The following CACNA1H variants were observed in gnomAD, a reference collection of about 807,000 sequenced individuals.
CACNA1H encodes calcium voltage-gated channel subunit alpha1 H.
CACNA1H carries 149 observed loss-of-function variants against 192.5 expected under a neutral mutation model. That is an observed-to-expected ratio of 0.77 (90% CI 0.68 to 0.89). The LOEUF (loss-of-function observed/expected upper bound fraction) is 0.89. Ranked by LOEUF, CACNA1H falls within the 40% of genes least tolerant of loss-of-function variation. The pLI, the probability that CACNA1H is intolerant of heterozygous loss-of-function variation, is 0.00. For synonymous variants in CACNA1H, 2,202 were observed against 1,475.2 expected, an observed-to-expected ratio of 1.49 and a Z score of -11.29; for missense variants, 4,257 against 3,423.5, an observed-to-expected ratio of 1.24 and a Z score of -6.08.
rs778684497 is a variant in CACNA1H at position 1,209,317 on chromosome 16, C to T, written c.3649C>T (p.Arg1217Cys). Residue 1217 changes from arginine (R) to cysteine (C), a missense_variant, in exon 17 of 35, where the codon CGC (arginine) becomes TGC (cysteine). Transcript: ENST00000348261. ...AALPPTKCRDRDGQVVALPSD... is the reference protein window; with the variant it reads ...AALPPTKCRDCDGQVVALPSD... ...CCTCCCGCCTACCAAGTGCCGCGAT[C>T]GCGACGGGCAGGTGGTGGCCCTGCC... 2.5e-5 allele frequency: 40 copies of T among 1,597,550 alleles called. No individual in the cohort carries two copies. The African/African-American group carries it at 4.1e-4, about 17-fold the overall frequency.
chr16:1,207,946 G>C, intron 15 of CACNA1H, 67 bp from the exon 16 acceptor site: 1 of 1,541,184 alleles, frequency 6.5e-7, no homozygotes, highest in Non-Finnish European at 8.8e-7. Context: ...GCAATCCCTA[G>C]GTTGGGGGAT....
chr16:1,206,351 G>C lies in CACNA1H; in HGVS notation c.2789+62G>C, dbSNP rs906688085. The C allele has an allele frequency of 6.5e-5, 96 of 1,481,822 alleles. 2 individuals are homozygous for C. In the South Asian group the frequency reaches 1.2e-3, roughly 18 times the overall value. 91.8% of individuals were successfully genotyped at this position (1,481,822 alleles called of 1,614,324 possible). ...CACCCCAGGGCAGCTGGGAGGCAAAGGCCCAGGGCACCCCCCGAAGGAGAA... is the reference window on the plus strand; with the variant it reads ...CACCCCAGGGCAGCTGGGAGGCAAACGCCCAGGGCACCCCCCGAAGGAGAA... On this transcript the variant is annotated intron_variant, in intron 12 of 34. Transcript: ENST00000348261.
chr16:1,199,817 C>T (rs1016982358), intron 6 of CACNA1H, among the ~76,000 whole-genome samples: 2 of 152,098 alleles, frequency 1.3e-5, no homozygotes, highest in East Asian at 3.9e-4. Flanking sequence ...CCTCCTTTCC[C>T]TCACCCCAGG....
intron 2 of CACNA1H, among the ~76,000 whole-genome samples, chr16:1,176,033 C>A (rs1232972158): frequency 3.3e-5 from 5 of 152,232 alleles, no homozygotes; most frequent in Non-Finnish European, 7.3e-5. Flanking sequence ...CGTGGAGGCG[C>A]CTCCCACTCC....
chr16:1,202,728 C>T (rs778909151), intron 9 of CACNA1H, among the ~76,000 whole-genome samples: 13 of 152,058 alleles, frequency 8.5e-5, no homozygotes, highest in Non-Finnish European at 1.6e-4. Context: ...CTTGTCAGAC[C>T]CTCCTGGGGC....
chr16:1,201,758 G>A lies in CACNA1H; in HGVS notation c.1308G>A (p.Gln436=). ...GGGAGAGTCAGCTGATGCGGGAGCA[G>A]CGGGCACGCCACCTGTCCAACGACA... is the stretch of plus-strand genomic sequence containing the variant. ...KQRESQLMRE[Q]RARHLSNDST... is the part of the protein sequence containing the mutation. The change falls in exon 9 of 35, where the codon CAG becomes CAA. Residue 436 remains glutamine, a synonymous_variant. Coordinates refer to ENST00000348261, the MANE Select transcript of CACNA1H (RefSeq NM_021098.3). 6.2e-7 allele frequency: 1 copy of A among 1,608,434 alleles called. No individual in the cohort carries two copies. Among genetic ancestry groups the A allele is most frequent in the Non-Finnish European group, 8.5e-7 (1 of 1,178,322 alleles).
At chr16:1,168,920 C>T (rs1314448602) in intron 2 of CACNA1H, among the ~76,000 whole-genome samples, 2 of 152,088 alleles carry the variant, frequency 1.3e-5, no homozygotes, top group African/African-American at 4.8e-5. Context: ...GGCCTGTGAG[C>T]CTCTAGGAGG....
At chr16:1,205,510 C>T (rs1225347033) in intron 11 of CACNA1H, among the ~76,000 whole-genome samples, 4 of 152,214 alleles carry the variant, frequency 2.6e-5, no homozygotes, top group East Asian at 1.9e-4. Context: ...AGGTCAGCTG[C>T]GTCTCAGATG....
intron 26 of CACNA1H, among the ~76,000 whole-genome samples, chr16:1,213,410 A>G (rs996963066): frequency 6.6e-6 from 1 of 151,970 alleles, no homozygotes; most frequent in Non-Finnish European, 1.5e-5. Context: ...CCAGGCACCC[A>G]GTTGGGATGT....
At chr16:1,199,524 C>T (rs1567504848) in intron 6 of CACNA1H, among the ~76,000 whole-genome samples, 2 of 150,008 alleles carry the variant, frequency 1.3e-5, no homozygotes, top group African/African-American at 5.0e-5. Flanking sequence ...CCAGTGCTGC[C>T]ACCTCTCAGC....
intron 8 of CACNA1H, 96 bp from the exon 9 acceptor site, chr16:1,201,567 G>A (rs1030210538): frequency 4.1e-5 from 58 of 1,407,238 alleles, no homozygotes; most frequent in African/African-American, 8.6e-5. Context: ...TGCCTGTGAC[G>A]CGGCCCCCAC....
intron 10 of CACNA1H, among the ~76,000 whole-genome samples, chr16:1,204,709 C>G (rs190383558): frequency 6.6e-6 from 1 of 151,562 alleles, no homozygotes; most frequent in Non-Finnish European, 1.5e-5. Flanking sequence ...TGCTGCAGCC[C>G]TCTTGACCCT....
intron 2 of CACNA1H, among the ~76,000 whole-genome samples, chr16:1,158,402 A>G (rs1236522449): frequency 4.6e-5 from 7 of 151,912 alleles, no homozygotes; most frequent in African/African-American, 2.4e-5. Context: ...GCCTGGGGGC[A>G]GCTCATCCTT....
At chr16:1,209,996 C>A (rs1969232717) in intron 17 of CACNA1H, 39 bp from the exon 18 acceptor site, 3 of 1,474,036 alleles carry the variant, frequency 2.0e-6, no homozygotes, top group Non-Finnish European at 2.8e-6. Context: ...GCCGGGCAGG[C>A]AGGCGCAGGC....
intron 2 of CACNA1H, chr16:1,156,909 G>A (rs1437426471): frequency 3.3e-5 from 5 of 152,212 alleles, no homozygotes; most frequent in Admixed American, 1.3e-4. Context: ...CCAGGCAAAG[G>A]AGCCTCCAAG....
At position 1,215,386 on chromosome 16, in the gene CACNA1H, G is replaced by C; in HGVS notation, c.5173+11G>C. ...TTCGCATTGCCCGTGGTAGGTGCCC[G>C]CGTGCCCGCCAGGTTCTCTCTGCGG... On this transcript the variant is annotated intron_variant, in intron 29 of 34. Coordinates refer to ENST00000348261, the MANE Select transcript of CACNA1H (RefSeq NM_021098.3). The C allele has an allele frequency of 6.2e-7, 1 of 1,606,400 alleles. No individual in the cohort carries two copies.
chr16:1,202,882 G>A (rs563959366), intron 9 of CACNA1H, among the ~76,000 whole-genome samples: 2 of 152,262 alleles, frequency 1.3e-5, no homozygotes, highest in East Asian at 3.9e-4. Context: ...GTGGGGGAGT[G>A]TGGGGGAGGC....
intron 2 of CACNA1H, among the ~76,000 whole-genome samples, chr16:1,170,630 C>T (rs1028865985): frequency 1.6e-4 from 25 of 152,164 alleles, no homozygotes; most frequent in Non-Finnish European, 3.5e-4. Flanking sequence ...GGAGCCTGGT[C>T]GGCATCCTGA....
At chr16:1,214,107 C>T (rs897452793) in intron 27 of CACNA1H, among the ~76,000 whole-genome samples, 176 bp downstream of exon 27, 11 of 151,936 alleles carry the variant, frequency 7.2e-5, no homozygotes, top group Admixed American at 2.6e-4. Context: ...CTCCCCTCCC[C>T]CTGTCCTTGG....
Sources: allele counts gnomAD v4.1 joint callset (sites outside exome capture counted in the v4.1 genomes callset), GRCh38; gene constraint gnomAD v4.1.1; transcripts MANE v1.5; gene names NCBI Gene and HGNC (gene_info 2026-07-23, HGNC 2026-07-21).